The following MFN2 variants were observed in gnomAD, a reference collection of about 807,000 sequenced individuals.
MFN2 encodes the protein mitofusin 2, also known as mitofusin-2.
In MFN2, 43 loss-of-function variants were observed where a neutral mutation model predicts 87.5. That is an observed-to-expected ratio of 0.49 (90% CI 0.38 to 0.63). The LOEUF (loss-of-function observed/expected upper bound fraction) is 0.63. Ranked by LOEUF, MFN2 falls within the 30% of genes least tolerant of loss-of-function variation. MFN2 has a pLI of 0.00. For missense variants in MFN2, 743 were observed against 972.8 expected (o/e 0.76, Z 3.14); for synonymous variants, 337 against 359.9 (o/e 0.94, Z 0.72).
Position 12,004,168 on chromosome 1 carries a change from G to C in MFN2, c.1287+50G>C. On this transcript the variant is annotated intron_variant, in intron 12 of 18. Transcript: ENST00000235329. This position sits in a 1 kb window ranked among gnomAD's most constrained non-coding sequence, Gnocchi z 4.2. The stretch of plus-strand genomic sequence containing the variant: ...TGGGAAGATTTGGACTCCGAGTAGA[G>C]TCCAGAAGAAAGCAGACCTCCTCCT... The C allele has an allele frequency of 6.2e-7, 1 of 1,611,790 alleles. No homozygotes were observed. Among genetic ancestry groups the C allele is most frequent in the Non-Finnish European group, 8.5e-7 (1 of 1,179,338 alleles).
Position 12,002,047 on chromosome 1 carries a change from T to C in MFN2, c.1104T>C (p.Ile368=). ...AGCACACGGTCCGGGCCAAGCAGAT[T>C]GCAGAGGCGGTTCGACTCATCATGG... The part of the protein sequence containing the change: ...FEQHTVRAKQ[I]AEAVRLIMDS... The change falls in exon 11 of 19, where the codon ATT becomes ATC. Residue 368 remains isoleucine, a synonymous_variant. Coordinates refer to ENST00000235329, the MANE Select transcript of MFN2 (RefSeq NM_014874.4). 6.2e-7 allele frequency: 1 copy of C among 1,614,208 alleles called. No homozygotes were observed. The highest frequency in any genetic ancestry group is 8.5e-7 in the Non-Finnish European group (1 of 1,180,034).
chr1:11,998,664 T>A, intron 6 of MFN2, 106 bp from the exon 7 acceptor site: 1 of 1,005,748 alleles, frequency 9.9e-7, no homozygotes. Context: ...GTCCCTGGCT[T>A]TCTCCTCCAT....
At chr1:12,007,332 G>A (rs1273039974) in intron 17 of MFN2, 83 bp downstream of exon 17, 4 of 1,525,360 alleles carry the variant, frequency 2.6e-6, no homozygotes, top group African/African-American at 2.8e-5. Flanking sequence ...CTCTTCCCAC[G>A]TGGCCTGGAA....
chr1:12,000,387 A>G (rs575713138), intron 8 of MFN2, among the ~76,000 whole-genome samples: 1 of 152,010 alleles, frequency 6.6e-6, no homozygotes, highest in South Asian at 2.1e-4. Context: ...ATGGGGTTTC[A>G]CCATGTTGGC....
In MFN2 at chr1:12,005,901, C is replaced by T. The variant is rs1210577569; in HGVS notation, c.1686C>T (p.Ser562=). The change falls in exon 15 of 19, where the codon AGC becomes AGT. Residue 562 remains serine, a synonymous_variant. Transcript: ENST00000235329. ...LVNRFLGPKN[S]RRALMGYNDQ... is the part of the protein sequence containing the mutation. ...ATAGGTTCCTGGGCCCCAAGAACAGCCGTCGGGCCTTGATGGGCTACAATG... is the reference window on the plus strand; with the variant it reads ...ATAGGTTCCTGGGCCCCAAGAACAGTCGTCGGGCCTTGATGGGCTACAATG... The T allele has an allele frequency of 3.1e-6, 5 of 1,613,976 alleles. No individual in the cohort carries two copies. The highest frequency in any genetic ancestry group is 1.7e-5 in the Admixed American group (1 of 60,022).
intron 2 of MFN2, among the ~76,000 whole-genome samples, chr1:11,985,041 A>C (rs1454767753): frequency 6.6e-6 from 1 of 152,160 alleles, no homozygotes; most frequent in Non-Finnish European, 1.5e-5. Flanking sequence ...CAGACTTGCA[A>C]CTGGTATGTT....
At chr1:11,985,528 G>A (rs1204430044) in intron 2 of MFN2, among the ~76,000 whole-genome samples, 1 of 146,818 alleles carries the variant, frequency 6.8e-6, no homozygotes, top group Non-Finnish European at 1.5e-5. Context: ...GTACAGTGGC[G>A]AGATCTTGGC....
chr1:12,008,166 C>T (rs1177871974), intron 17 of MFN2, among the ~76,000 whole-genome samples: 1 of 152,256 alleles, frequency 6.6e-6, no homozygotes, highest in Non-Finnish European at 1.5e-5. Flanking sequence ...ACAGACACAG[C>T]AACAATCTGA....
intron 2 of MFN2, 78 bp from the exon 3 acceptor site, chr1:11,989,087 A>G: frequency 1.3e-6 from 2 of 1,505,118 alleles, no homozygotes; most frequent in Non-Finnish European, 9.2e-7. Context: ...GATTCTCCCC[A>G]AAGCATTCCG....
intron 2 of MFN2, among the ~76,000 whole-genome samples, chr1:11,986,715 C>T (rs1014338881): frequency 5.3e-5 from 8 of 151,880 alleles, no homozygotes; most frequent in Non-Finnish European, 8.8e-5. Context: ...CTCAGCCTCC[C>T]GAGTAGCTGG....
In MFN2 at chr1:12,013,312, A is replaced by G; in HGVS notation, c.*1747A>G. On this transcript the variant is annotated 3_prime_UTR_variant, in exon 19 of 19. Coordinates refer to ENST00000235329, the MANE Select transcript of MFN2 (RefSeq NM_014874.4). ...TTAAATTTATACCACTGAGGGAGAG[A>G]CCCTTTCTGAAAGAAGTATGGCCAA... 3 of 469,342 alleles carry G rather than the reference A, an allele frequency of 6.4e-6. No homozygotes were observed. The highest frequency in any genetic ancestry group is 4.7e-5 in the South Asian group (3 of 63,918). The allele number at this position is 469,342 out of a possible 1,614,324, so 29.1% of individuals were successfully genotyped here.
Position 11,991,923 on chromosome 1 carries a change from CAAAA to C in MFN2, c.176-606_176-603del, listed in dbSNP as rs35314016. ...TGGGCGACAGAGCGAGACTCCGTCT[CAAAA>C]AAAAAAAAAAAAAAAAAAAAAAAAA... On this transcript the variant is annotated intron_variant, in intron 3 of 18. Coordinates refer to ENST00000235329, the MANE Select transcript of MFN2 (RefSeq NM_014874.4). Among the ~76,000 whole-genome samples the C allele has an allele frequency of 1.3e-3, 21 of 16,732 alleles. 1 individual carries two copies. In the East Asian group the frequency reaches 0.015, roughly 12 times the overall value. The allele number at this position is 16,732 out of a possible 152,430, so 11.0% of individuals were successfully genotyped here.
At position 12,013,256 on chromosome 1, in the gene MFN2, A is replaced by G. The variant is rs1186626842; in HGVS notation, c.*1691A>G. ...TTTCAATGTAGCCCCTGGGGAATGA[A>G]TGAAATTTTGAGCTTCTTCAATACG... is the stretch of plus-strand genomic sequence containing the variant. On this transcript the variant is annotated 3_prime_UTR_variant, in exon 19 of 19. Transcript: ENST00000235329. The G allele has an allele frequency of 4.9e-6, 2 of 404,874 alleles. No homozygotes were observed. Among genetic ancestry groups the G allele is most frequent in the South Asian group, 1.8e-5 (1 of 55,802 alleles). 25.1% of individuals were successfully genotyped at this position (404,874 alleles called of 1,614,324 possible).
chr1:12,002,027 A>G lies in MFN2; in HGVS notation c.1084A>G (p.Thr362Ala). 3 of 1,614,180 alleles carry G rather than the reference A, an allele frequency of 1.9e-6. No homozygotes were observed. The highest frequency in any genetic ancestry group is 1.1e-5 in the South Asian group (1 of 91,088). Reference sequence around the variant, plus strand: ...AGTGAAGACCAAGTTTGAGCAGCACACGGTCCGGGCCAAGCAGATTGCAGA... The same window carrying G: ...AGTGAAGACCAAGTTTGAGCAGCACGCGGTCCGGGCCAAGCAGATTGCAGA... ...SAVKTKFEQH[T>A]VRAKQIAEAV... Residue 362 changes from threonine to alanine, a missense_variant, in exon 11 of 19, where the codon ACG (threonine) becomes GCG (alanine). Around this residue, in one of 3 missense-constraint regions of MFN2, gnomAD observed 571 missense variants for 670.7 expected, o/e 0.85. Transcript: ENST00000235329.
chr1:12,002,407 A>G (rs1639217652), intron 11 of MFN2, among the ~76,000 whole-genome samples: 1 of 152,240 alleles, frequency 6.6e-6, no homozygotes, highest in Non-Finnish European at 1.5e-5. Flanking sequence ...TCAAAACAAC[A>G]TTCCAGCCAG....
intron 14 of MFN2, among the ~76,000 whole-genome samples, chr1:12,005,173 C>T (rs1639353337): frequency 6.6e-6 from 1 of 152,194 alleles, no homozygotes; most frequent in Non-Finnish European, 1.5e-5. Context: ...CCTCTGCCAC[C>T]GAGGTTCAAG....
chr1:12,009,531 A>G, intron 17 of MFN2, 61 bp from the exon 18 acceptor site: 2 of 1,612,402 alleles, frequency 1.2e-6, no homozygotes, highest in Non-Finnish European at 1.7e-6. Flanking sequence ...TGGGTGGGCT[A>G]AGCCACCAGT....
chr1:11,994,436 A>C (rs1242510861), intron 4 of MFN2, among the ~76,000 whole-genome samples: 5 of 152,114 alleles, frequency 3.3e-5, no homozygotes, highest in Non-Finnish European at 7.4e-5. Flanking sequence ...AAAATACAAA[A>C]AAAATTAGCT....
At position 11,989,809 on chromosome 1, in the gene MFN2, A is replaced by G. The variant is rs192869326; in HGVS notation, c.175+466A>G. Reference sequence around the variant, plus strand: ...TTTCTTTGATATTTTTAGATTGGTGACAGAACTATAGGAAACTCACGTCAC... The same window carrying G: ...TTTCTTTGATATTTTTAGATTGGTGGCAGAACTATAGGAAACTCACGTCAC... On this transcript the variant is annotated intron_variant, in intron 3 of 18. Transcript: ENST00000235329. Among the ~76,000 whole-genome samples, 53 of 152,226 alleles carry G rather than the reference A, an allele frequency of 3.5e-4. 1 individual carries two copies. The highest frequency in any genetic ancestry group is 3.3e-3 in the Admixed American group (50 of 15,272).
Sources: allele counts gnomAD v4.1 joint callset (sites outside exome capture counted in the v4.1 genomes callset), GRCh38; gene constraint gnomAD v4.1.1; regional missense constraint gnomAD v4.1.1; non-coding constraint Gnocchi (gnomAD v3.1); transcripts MANE v1.5; gene names NCBI Gene and HGNC (gene_info 2026-07-23, HGNC 2026-07-21).